SPIRE1: variants seen among roughly 807,000 people sequenced by gnomAD.
SPIRE1 encodes protein spire homolog 1.
A neutral mutation model predicts 94.1 loss-of-function variants in SPIRE1; 40 were observed. The ratio of observed to expected loss-of-function variants is 0.43; its 90% CI spans 0.33 to 0.55. SPIRE1 has a LOEUF of 0.55. Among genes scored for constraint, SPIRE1 ranks in the 20% least tolerant of loss-of-function variants. The probability of loss-of-function intolerance (pLI) is 0.06; values close to 1 mark genes in which losing one functional copy is unlikely to be tolerated. For missense variants in SPIRE1, 838 were observed against 975.2 expected (o/e 0.86, Z 1.87); for synonymous variants, 376 against 371.7 (o/e 1.01, Z -0.13).
At chr18:12,658,124 C>CCGCCCCGCCT (rs575078871), upstream of SPIRE1, 100,290 of 954,376 alleles carry the variant, frequency 0.11, 6,268 homozygotes, top group African/African-American at 0.19. Flanking sequence ...CCGCCCCGCC[C>CCGCCCCGCCT]CGCCCCGCCT....
chr18:12,578,668 T>C lies in SPIRE1; in HGVS notation c.373-31764A>G, dbSNP rs149098392. Reference sequence around the variant, plus strand: ...CACTGTGAACAGACTACCAGACTAGTAATCGTGAGAGGAGACTCTACCCAC... The same window carrying C: ...CACTGTGAACAGACTACCAGACTAGCAATCGTGAGAGGAGACTCTACCCAC... On this transcript the variant is annotated intron_variant, in intron 2 of 16. Transcript: ENST00000409402. Among the ~76,000 whole-genome samples the C allele has an allele frequency of 6.5e-3, 992 of 152,318 alleles. 35 individuals are homozygous for C. Among genetic ancestry groups the C allele is most frequent in the Admixed American group, 0.055 (846 of 15,288 alleles).
At chr18:12,629,436 A>G (rs1299742567) in intron 2 of SPIRE1, among the ~76,000 whole-genome samples, 1 of 152,244 alleles carries the variant, frequency 6.6e-6, no homozygotes, top group Non-Finnish European at 1.5e-5. Flanking sequence ...TCTGGGTCTG[A>G]ACTGCTTCCT....
chr18:12,611,451 G>A (rs186437099), intron 2 of SPIRE1, among the ~76,000 whole-genome samples: 1 of 152,278 alleles, frequency 6.6e-6, no homozygotes, highest in African/African-American at 2.4e-5. Context: ...AGAAACTGAG[G>A]CCTCCTGCCA....
At chr18:12,599,436 A>C (rs148271935) in intron 2 of SPIRE1, among the ~76,000 whole-genome samples, 1 of 152,186 alleles carries the variant, frequency 6.6e-6, no homozygotes, top group East Asian at 1.9e-4. Context: ...AATTTAAAAA[A>C]ATTTTTTTAT....
At position 12,535,564 on chromosome 18, in the gene SPIRE1, G is replaced by C. The variant is rs1398389833; in HGVS notation, c.641C>G (p.Pro214Arg). The change falls in exon 4 of 17, where the codon CCA (proline) becomes CGA (arginine). Residue 214 changes from proline to arginine, a missense_variant. Coordinates refer to ENST00000409402, the MANE Select transcript of SPIRE1 (RefSeq NM_001128626.2). ...ACGACATACTGCCTGATAATGATTT[G>C]GTGCATCTGATTCAGTAGGGAGATG... ...AAHLPTESDA[P>R]NHYQAVCRAL... is the part of the protein sequence containing the mutation. The C allele has an allele frequency of 2.5e-6, 4 of 1,612,970 alleles. No individual in the cohort carries two copies. In the African/African-American group the frequency reaches 5.3e-5, roughly 22 times the overall value.
chr18:12,511,949 C>T (rs770489796), intron 5 of SPIRE1, among the ~76,000 whole-genome samples: 5 of 152,140 alleles, frequency 3.3e-5, no homozygotes, highest in Admixed American at 1.3e-4. Flanking sequence ...GATAGGGTCT[C>T]ACTATGTTGT....
At chr18:12,451,043 G>A in intron 16 of SPIRE1, 1 of 481,784 alleles carries the variant, frequency 2.1e-6, no homozygotes, top group Non-Finnish European at 3.7e-6. Context: ...GGAGGAGGAG[G>A]AGGAGGATGA....
intron 4 of SPIRE1, among the ~76,000 whole-genome samples, chr18:12,526,631 GCA>G (rs1181483498): frequency 2.0e-5 from 3 of 152,136 alleles, no homozygotes; most frequent in Admixed American, 6.6e-5. Context: ...ACAGCATTTA[GCA>G]CAGAGTAAGT....
chr18:12,549,331 G>C (rs999656097), intron 2 of SPIRE1, among the ~76,000 whole-genome samples: 1 of 151,684 alleles, frequency 6.6e-6, no homozygotes. Context: ...ATTATTCCCA[G>C]TGAGAAATCA....
At chr18:12,599,840 T>G (rs1239461604) in intron 2 of SPIRE1, among the ~76,000 whole-genome samples, 1 of 152,166 alleles carries the variant, frequency 6.6e-6, no homozygotes, top group Non-Finnish European at 1.5e-5. Flanking sequence ...CCTCCTGCTG[T>G]TCATGCCCTG....
chr18:12,561,411 A>G (rs909209716), intron 2 of SPIRE1, among the ~76,000 whole-genome samples: 1 of 152,018 alleles, frequency 6.6e-6, no homozygotes, highest in Admixed American at 6.6e-5. Context: ...CTGGGATTAC[A>G]GGCATGTGCC....
chr18:12,466,091 A>G (rs2032083790), intron 10 of SPIRE1, among the ~76,000 whole-genome samples: 1 of 151,916 alleles, frequency 6.6e-6, no homozygotes. Flanking sequence ...CTCAGAAAAA[A>G]AAAAGAAAAA....
chr18:12,474,675 A>C (rs2032490947), intron 10 of SPIRE1, among the ~76,000 whole-genome samples: 1 of 152,134 alleles, frequency 6.6e-6, no homozygotes, highest in Non-Finnish European at 1.5e-5. Flanking sequence ...TACAAAAACT[A>C]GCTGAGTGTG....
At chr18:12,652,363 A>G (rs2038403890) in intron 1 of SPIRE1, among the ~76,000 whole-genome samples, 1 of 152,226 alleles carries the variant, frequency 6.6e-6, no homozygotes, top group Non-Finnish European at 1.5e-5. Context: ...AAACTTTCCC[A>G]AACAACAAAG....
At chr18:12,460,342 C>T (rs2031732095) in intron 12 of SPIRE1, among the ~76,000 whole-genome samples, 1 of 152,088 alleles carries the variant, frequency 6.6e-6, no homozygotes, top group Admixed American at 6.6e-5. Flanking sequence ...GGGCATTTGC[C>T]CTCGGTTATT....
intron 2 of SPIRE1, among the ~76,000 whole-genome samples, chr18:12,612,422 C>A (rs1051882984): frequency 5.9e-5 from 9 of 152,118 alleles, no homozygotes; most frequent in African/African-American, 1.9e-4. Context: ...CAGGGCTCAG[C>A]CCTTAGCCCT....
chr18:12,608,065 G>C (rs932391573), intron 2 of SPIRE1, among the ~76,000 whole-genome samples: 1 of 152,014 alleles, frequency 6.6e-6, no homozygotes, highest in African/African-American at 2.4e-5. Context: ...GGCTGAGGCA[G>C]GGGAATGACG....
At chr18:12,566,179 T>C (rs569901366) in intron 2 of SPIRE1, among the ~76,000 whole-genome samples, 1 of 151,390 alleles carries the variant, frequency 6.6e-6, no homozygotes, top group African/African-American at 2.4e-5. Context: ...CTACCAAAAA[T>C]ACAAAAATTA....
At chr18:12,511,778 G>A in intron 5 of SPIRE1, among the ~76,000 whole-genome samples, 1 of 152,076 alleles carries the variant, frequency 6.6e-6, no homozygotes, top group East Asian at 1.9e-4. Flanking sequence ...AGGCTGGAGT[G>A]CAGTGGTGTG....
Sources: gnomAD v4.1 joint callset for allele counts (sites outside exome capture counted in the v4.1 genomes callset) on GRCh38, gnomAD v4.1.1 for gene constraint, MANE v1.5 for transcripts, NCBI Gene and HGNC (gene_info 2026-07-23, HGNC 2026-07-21) for gene names.